Variants in AGBL1 observed in about 807,000 individuals in gnomAD.
AGBL1 encodes AGBL carboxypeptidase 1, also known as cytosolic carboxypeptidase 4.
In AGBL1, 130 loss-of-function variants were observed where a neutral mutation model predicts 118.9. That is an observed-to-expected ratio of 1.09 (90% CI 0.95 to 1.26). AGBL1 has a LOEUF of 1.26. AGBL1 is among the 50% of genes most tolerant of loss of function. AGBL1 has a pLI of 0.00. For synonymous variants in AGBL1, 555 were observed against 478.9 expected (o/e 1.16, Z -2.08); for missense variants, 1,584 against 1,298.1 (o/e 1.22, Z -3.38).
At chr15:86,218,546 A>C (rs945988990) in intron 5 of AGBL1, among the ~76,000 whole-genome samples, 3 of 152,172 alleles carry the variant, frequency 2.0e-5, no homozygotes, top group Admixed American at 6.5e-5. Flanking sequence ...TAACCCACAG[A>C]ATATGGCAAG....
intron 23 of AGBL1, among the ~76,000 whole-genome samples, chr15:86,979,774 AT>A (rs1360772351): frequency 9.9e-5 from 15 of 152,102 alleles, no homozygotes; most frequent in Admixed American, 8.5e-4. Context: ...AAGTGCTGGG[AT>A]TACAGGCGTG....
At chr15:86,853,130 A>G (rs1450701233) in intron 22 of AGBL1, among the ~76,000 whole-genome samples, 1 of 152,182 alleles carries the variant, frequency 6.6e-6, no homozygotes, top group African/African-American at 2.4e-5. Flanking sequence ...CAGAATTCTG[A>G]CAACTCCCCA....
rs1185730744 is a variant in AGBL1 at position 86,604,881 on chromosome 15, C to T, written c.2994+50344C>T. 4.0e-5 allele frequency among the ~76,000 whole-genome samples: 6 copies of T among 150,712 alleles called. No individual in the cohort carries two copies. In the South Asian group the frequency reaches 8.4e-4, roughly 21 times the overall value. On this transcript the variant is annotated intron_variant, in intron 21 of 22. Coordinates refer to ENST00000614907, the MANE Select transcript of AGBL1 (RefSeq NM_001386094.1). ...TGTGATCTCGGCTCACTGCAACCTC[C>T]GCCTCCTGGGTTCAAACAATTCTCC...
Position 86,433,275 on chromosome 15 carries a change from T to C in AGBL1, c.2555+35729T>C, listed in dbSNP as rs1231493640. On this transcript the variant is annotated intron_variant, in intron 18 of 22. Coordinates refer to ENST00000614907, the MANE Select transcript of AGBL1 (RefSeq NM_001386094.1). ...CCTCCTCCTCCTTCTTCTTTTTTTT[T>C]TTTTTTTTTTTTTTTTTTGCCATTG... 2.8e-3 allele frequency among the ~76,000 whole-genome samples: 270 copies of C among 95,574 alleles called. 4 individuals carry two copies. The highest frequency in any genetic ancestry group is 0.011 in the African/African-American group (250 of 22,838). 62.7% of individuals were successfully genotyped at this position (95,574 alleles called of 152,430 possible).
intron 21 of AGBL1, among the ~76,000 whole-genome samples, chr15:86,638,939 C>T (rs1032869136): frequency 5.3e-5 from 8 of 152,052 alleles, no homozygotes; most frequent in Non-Finnish European, 1.0e-4. Flanking sequence ...AATCCACTTC[C>T]GAGTTCTCTC....
chr15:86,801,310 C>CATCT (rs10629012), intron 22 of AGBL1, among the ~76,000 whole-genome samples: 39,471 of 147,064 alleles, frequency 0.27, 5,258 homozygotes, highest in Admixed American at 0.29. Context: ...TTGATGATTA[C>CATCT]ATCTATCTAT....
intron 5 of AGBL1, among the ~76,000 whole-genome samples, chr15:86,178,802 A>G (rs2077516090): frequency 6.6e-6 from 1 of 152,144 alleles, no homozygotes; most frequent in Non-Finnish European, 1.5e-5. Context: ...TCCAACCAAT[A>G]TCTCTCTTTT....
At chr15:86,983,679 G>A (rs764710423) in intron 23 of AGBL1, among the ~76,000 whole-genome samples, 1 of 152,154 alleles carries the variant, frequency 6.6e-6, no homozygotes, top group Non-Finnish European at 1.5e-5. Flanking sequence ...GTTCCCATGC[G>A]TTCCTTTGCA....
At chr15:86,730,425 C>T (rs1461957630) in intron 22 of AGBL1, among the ~76,000 whole-genome samples, 1 of 152,170 alleles carries the variant, frequency 6.6e-6, no homozygotes, top group African/African-American at 2.4e-5. Context: ...ACTAGCAACT[C>T]CATTAAACAT....
chr15:86,252,672 C>T (rs1024846019), intron 7 of AGBL1, among the ~76,000 whole-genome samples: 17 of 152,080 alleles, frequency 1.1e-4, no homozygotes, highest in African/African-American at 3.4e-4. Context: ...GCTAGGAGAG[C>T]GTTTTGAAAA....
At chr15:86,666,752 C>A (rs1483351174) in intron 21 of AGBL1, among the ~76,000 whole-genome samples, 1 of 152,176 alleles carries the variant, frequency 6.6e-6, no homozygotes, top group African/African-American at 2.4e-5. Flanking sequence ...TGAATTATCT[C>A]AGCAACTCCA....
At chr15:86,326,928 C>CT (rs772129735) in intron 17 of AGBL1, among the ~76,000 whole-genome samples, 4,045 of 138,546 alleles carry the variant, frequency 0.029, 190 homozygotes, top group African/African-American at 0.1. Context: ...TTTTCTTTTT[C>CT]TTTTTTTTTT....
At chr15:86,749,170 T>C (rs2077806901) in intron 22 of AGBL1, among the ~76,000 whole-genome samples, 1 of 152,198 alleles carries the variant, frequency 6.6e-6, no homozygotes, top group South Asian at 2.1e-4. Context: ...TTTGTTTGTG[T>C]CCTCTTTTAT....
At chr15:86,799,358 T>A (rs759016321) in intron 22 of AGBL1, among the ~76,000 whole-genome samples, 1 of 152,070 alleles carries the variant, frequency 6.6e-6, no homozygotes, top group African/African-American at 2.4e-5. Context: ...TATCCTTGAT[T>A]TCTTGAAAAA....
chr15:86,201,936 A>C (rs1432155288), intron 5 of AGBL1, among the ~76,000 whole-genome samples: 4 of 152,148 alleles, frequency 2.6e-5, no homozygotes, highest in Admixed American at 1.3e-4. Context: ...GCTGGCAGAC[A>C]AAGAAGGCCA....
rs2080365656 is a variant in AGBL1 at position 86,912,500 on chromosome 15, G to A, written c.*5206G>A. On this transcript the variant is annotated 3_prime_UTR_variant, in exon 23 of 23. Coordinates refer to ENST00000614907, the MANE Select transcript of AGBL1 (RefSeq NM_001386094.1). ...TCAGCATCCAAGAATTCCATACATT[G>A]GCTTCAGTTTCCTTCCAGAAAGAGG... is the stretch of plus-strand genomic sequence containing the variant. 6.6e-6 allele frequency: 1 copy of A among 152,116 alleles called. No homozygotes were observed. Among genetic ancestry groups the A allele is most frequent in the Admixed American group, 6.6e-5 (1 of 15,266 alleles). The allele number at this position is 152,116 out of a possible 1,614,324, so 9.4% of individuals were successfully genotyped here.
intron 19 of AGBL1, among the ~76,000 whole-genome samples, chr15:86,527,710 G>A (rs138093587): frequency 5.3e-5 from 8 of 152,248 alleles, no homozygotes; most frequent in South Asian, 2.1e-4. Context: ...AAGATCCACC[G>A]GTTCTAGATA....
intron 21 of AGBL1, among the ~76,000 whole-genome samples, chr15:86,594,738 A>G (rs920349957): frequency 1.3e-5 from 2 of 152,216 alleles, no homozygotes; most frequent in Admixed American, 6.5e-5. Flanking sequence ...TCAATCATAC[A>G]TTGGAACATA....
At chr15:86,148,796 G>A (rs141480734) in intron 3 of AGBL1, among the ~76,000 whole-genome samples, 5 of 152,070 alleles carry the variant, frequency 3.3e-5, no homozygotes, top group Non-Finnish European at 5.9e-5. Flanking sequence ...GATACTCCTC[G>A]AGAAGAGCAA....
Sources: allele counts gnomAD v4.1 joint callset (sites outside exome capture counted in the v4.1 genomes callset), GRCh38; gene constraint gnomAD v4.1.1; transcripts MANE v1.5; gene names NCBI Gene and HGNC (gene_info 2026-07-23, HGNC 2026-07-21).